Variants in IFT70A observed in about 807,000 individuals in gnomAD.
The protein encoded by IFT70A is intraflagellar transport protein 70A.
the IFT70A span, chr2:177,616,338 A>G: frequency 6.1e-6 from 1 of 164,954 alleles, no homozygotes; most frequent in Non-Finnish European, 1.3e-5. Context: ...ATCAGTGACC[A>G]AATGCAAACA....
At chr2:177,617,961 C>T in the IFT70A span, 2 of 1,614,144 alleles carry the variant, frequency 1.2e-6, no homozygotes, top group South Asian at 2.2e-5. Flanking sequence ...CCAGAGCAGT[C>T]TGATGGAGAA....
chr2:177,616,925 A>T, the IFT70A span: 5 of 1,598,102 alleles, frequency 3.1e-6, no homozygotes, highest in South Asian at 5.7e-5. Flanking sequence ...TTTTCTAACA[A>T]GGACAGGAAG....
chr2:177,613,579 G>C, the IFT70A span: 1 of 152,204 alleles, frequency 6.6e-6, no homozygotes, highest in African/African-American at 2.4e-5. Context: ...ATTTACTGTT[G>C]AGACTTAAGA....
At chr2:177,617,674 A>T in the IFT70A span, 1 of 1,614,244 alleles carries the variant, frequency 6.2e-7, no homozygotes, top group South Asian at 1.1e-5. Flanking sequence ...ATTTTCTGCC[A>T]GGACATCTGC....
At chr2:177,614,795 C>T in the IFT70A span, 1 of 152,162 alleles carries the variant, frequency 6.6e-6, no homozygotes, top group East Asian at 1.9e-4. Flanking sequence ...TCTTGTGATA[C>T]ATGCTGCAGC....
the IFT70A span, chr2:177,617,292 C>A: frequency 6.3e-7 from 1 of 1,579,700 alleles, no homozygotes; most frequent in Non-Finnish European, 8.6e-7. Flanking sequence ...TGTTTTCCTG[C>A]ATGAACAGAA....
At chr2:177,617,079 G>T in the IFT70A span, 1 of 1,613,586 alleles carries the variant, frequency 6.2e-7, no homozygotes, top group Non-Finnish European at 8.5e-7. Context: ...TGCAGAGATG[G>T]TACATTTTCC....
chr2:177,618,727 GTT>G, the IFT70A span: 42 of 1,519,730 alleles, frequency 2.8e-5, no homozygotes, highest in African/African-American at 2.8e-5. Context: ...TATGCGTGCG[GTT>G]ACCACGGCAA....
At chr2:177,618,218 A>C in the IFT70A span, 1 of 1,614,202 alleles carries the variant, frequency 6.2e-7, no homozygotes, top group Non-Finnish European at 8.5e-7. Context: ...TAGAGCAAAC[A>C]ACCCAGGTTG....
At chr2:177,617,653 G>A in the IFT70A span, 120 of 1,614,026 alleles carry the variant, frequency 7.4e-5, no homozygotes, top group South Asian at 3.3e-4. Context: ...GAACTTATAC[G>A]TCAAATGGGC....
chr2:177,614,983 T>A, the IFT70A span: 1 of 152,220 alleles, frequency 6.6e-6, no homozygotes, highest in Non-Finnish European at 1.5e-5. Flanking sequence ...GATGATTTGA[T>A]TTGGTGAGTT....
the IFT70A span, chr2:177,615,026 C>T: frequency 2.0e-5 from 3 of 152,206 alleles, no homozygotes; most frequent in Non-Finnish European, 2.9e-5. Context: ...TCTCTTATTT[C>T]CATTCTGTTA....
At chr2:177,618,643 C>A in the IFT70A span, 2 of 1,608,858 alleles carry the variant, frequency 1.2e-6, no homozygotes, top group Non-Finnish European at 1.7e-6. Flanking sequence ...GCGGATGAGC[C>A]GGTACACTAG....
At chr2:177,618,350 G>A in the IFT70A span, 3 of 1,613,724 alleles carry the variant, frequency 1.9e-6, no homozygotes, top group Non-Finnish European at 2.5e-6. Flanking sequence ...GCAGCTTGCA[G>A]GCGGAGGACC....
chr2:177,618,532 C>A, the IFT70A span: 1 of 1,591,484 alleles, frequency 6.3e-7, no homozygotes, highest in Admixed American at 1.8e-5. Flanking sequence ...CTCCTGCAGG[C>A]GGTAGTAGCA....
the IFT70A span, chr2:177,617,599 C>T: frequency 6.2e-7 from 1 of 1,614,186 alleles, no homozygotes; most frequent in South Asian, 1.1e-5. Flanking sequence ...AGCTGTCTGG[C>T]AAGTGATCAG....
At chr2:177,616,910 A>G in the IFT70A span, 2 of 1,596,632 alleles carry the variant, frequency 1.3e-6, no homozygotes, top group Non-Finnish European at 1.7e-6. Flanking sequence ...ATGTGTTTTG[A>G]CATGTTTTCT....
chr2:177,617,493 G>A, the IFT70A span: 186 of 1,613,992 alleles, frequency 1.2e-4, no homozygotes, highest in Admixed American at 1.0e-4. Flanking sequence ...CATCATCTCT[G>A]TTGTGTCTTG....
At chr2:177,618,550 A>C in the IFT70A span, 1 of 1,595,894 alleles carries the variant, frequency 6.3e-7, no homozygotes, top group Non-Finnish European at 8.5e-7. Flanking sequence ...GCAGTAGCCT[A>C]GCAGCGACAG....
Sources: allele counts gnomAD v4.1 joint callset, GRCh38; gene constraint gnomAD v4.1.1; transcripts MANE v1.5; gene names NCBI Gene and HGNC (gene_info 2026-07-23, HGNC 2026-07-21).